CDK13: variants seen among roughly 807,000 people sequenced by gnomAD.
CDK13 encodes the protein cyclin dependent kinase 13, also known as cyclin-dependent kinase 13.
Under a neutral mutation model 137.6 loss-of-function variants are expected in CDK13, and 40 were observed. The ratio of observed to expected loss-of-function variants is 0.29; its 90% CI spans 0.23 to 0.38. The LOEUF is 0.38. CDK13 is among the 10% of genes least tolerant of loss of function. The pLI is 1.00. For synonymous variants in CDK13, 869 were observed against 760.1 expected (o/e 1.14, Z -2.36); for missense variants, 1,704 against 1,951.8 (o/e 0.87, Z 2.39).
chr7:40,089,559 T>C (rs1174358691), intron 12 of CDK13, among the ~76,000 whole-genome samples: 1 of 152,180 alleles, frequency 6.6e-6, no homozygotes. Flanking sequence ...TTCAATGTTG[T>C]CAAGAGTGTT....
At chr7:40,009,019 A>G (rs532973725) in intron 5 of CDK13, among the ~76,000 whole-genome samples, 1 of 152,320 alleles carries the variant, frequency 6.6e-6, no homozygotes, top group South Asian at 2.1e-4. Flanking sequence ...GAGGAGAAAG[A>G]AGAATGTTAA....
chr7:40,041,265 G>A (rs1475636692), intron 5 of CDK13, among the ~76,000 whole-genome samples: 1 of 152,170 alleles, frequency 6.6e-6, no homozygotes. Flanking sequence ...GGCGGAGGTT[G>A]CAGTGAGCCA....
Position 40,040,513 on chromosome 7 carries a change from C to T in CDK13, c.2354-5323C>T, listed in dbSNP as rs117075550. 8.4e-3 allele frequency among the ~76,000 whole-genome samples: 1,285 copies of T among 152,168 alleles called. 7 individuals carry two copies. The highest frequency in any genetic ancestry group is 0.016 in the South Asian group (77 of 4,832). ...TTTGCTATTCTTAATTATTTTTCTA[C>T]GTGGATATACATTACAGAAAAACAA... On this transcript the variant is annotated intron_variant, in intron 5 of 13. Transcript: ENST00000181839.
At chr7:40,046,707 A>G (rs1785749289) in intron 6 of CDK13, among the ~76,000 whole-genome samples, 2 of 152,010 alleles carry the variant, frequency 1.3e-5, no homozygotes, top group South Asian at 4.1e-4. Context: ...AAGTTGTGTT[A>G]CATAGCTGTT....
intron 5 of CDK13, among the ~76,000 whole-genome samples, chr7:40,038,136 G>A (rs1342444125): frequency 2.6e-5 from 4 of 152,000 alleles, no homozygotes; most frequent in African/African-American, 9.6e-5. Context: ...TTACCCATGG[G>A]TAACTATTTT....
Position 39,957,225 on chromosome 7 carries a change from C to A in CDK13, c.1211+5373C>A, listed in dbSNP as rs564003098. Among the ~76,000 whole-genome samples, 16 of 151,220 alleles carry A rather than the reference C, an allele frequency of 1.1e-4. No homozygotes were observed. In the South Asian group the frequency reaches 3.4e-3, roughly 32 times the overall value. On this transcript the variant is annotated intron_variant, in intron 1 of 13. Transcript: ENST00000181839. ...CTTGCCTCCCAAAGTGTTGGGATTA[C>A]AGGCATGAGCCAGTGTGTCCAGCCT...
Position 39,950,710 on chromosome 7 carries a change from G to T in CDK13, c.69G>T (p.Glu23Asp). 2 of 1,452,916 alleles carry T rather than the reference G, an allele frequency of 1.4e-6. No homozygotes were observed. 90.0% of individuals were successfully genotyped at this position (1,452,916 alleles called of 1,614,324 possible). A position where few individuals can be genotyped will look rare whatever the true frequency, so the allele number is the denominator to read the frequency against. Reference protein sequence around the residue: ...GGLSWAEKKLEERRKRRRFLS... With the variant: ...GGLSWAEKKLDERRKRRRFLS... Reference sequence around the variant, plus strand: ...TGAGCTGGGCGGAGAAGAAGTTGGAGGAACGCCGCAAGCGGAGGCGATTCC... The same window carrying T: ...TGAGCTGGGCGGAGAAGAAGTTGGATGAACGCCGCAAGCGGAGGCGATTCC... The change falls in exon 1 of 14, where the codon GAG (glutamate) becomes GAT (aspartate). Residue 23 changes from glutamate (E) to aspartate (D), a missense_variant. Physicochemically the swap from Glu to Asp is conservative, Grantham distance 45. Coordinates refer to ENST00000181839, the MANE Select transcript of CDK13 (RefSeq NM_003718.5).
At chr7:40,082,460 T>A (rs2150539141) in intron 11 of CDK13, among the ~76,000 whole-genome samples, 1 of 128,094 alleles carries the variant, frequency 7.8e-6, no homozygotes, top group South Asian at 2.6e-4. Flanking sequence ...CACTCCAGTC[T>A]GGGCGACAGA....
chr7:40,078,841 C>G lies in CDK13; in HGVS notation c.3019C>G (p.Pro1007Ala), dbSNP rs746636009. The stretch of plus-strand genomic sequence containing the variant: ...CCGAGATGTGGAACCCTCAAAAATG[C>G]CTCCACCAGAGTAAGTGACTTTTTA... Reference protein sequence around the residue: ...FLRDVEPSKMPPPDLPLWQDC... With the variant: ...FLRDVEPSKMAPPDLPLWQDC... The change falls in exon 11 of 14, where the codon CCT (proline) becomes GCT (alanine). Residue 1007 changes from proline (P) to alanine (A), a missense_variant. Around this residue, in one of 5 missense-constraint regions of CDK13, gnomAD observed 45 missense variants for 57.0 expected, o/e 0.79. Transcript: ENST00000181839. The G allele has an allele frequency of 4.2e-6, 6 of 1,435,492 alleles. No homozygotes were observed. The East Asian group carries it at 1.6e-4, about 38-fold the overall frequency. 88.9% of individuals were successfully genotyped at this position (1,435,492 alleles called of 1,614,324 possible).
rs1180270194 is a variant in CDK13, at chr7:39,950,519, C to T, written c.-123C>T. The stretch of plus-strand genomic sequence containing the variant: ...CGACCCGGATTATCGTGGCGCTTTT[C>T]CCGGCCGGCTCTGGTGCTCGGTGTC... On this transcript the variant is annotated 5_prime_UTR_variant, in exon 1 of 14. Coordinates refer to ENST00000181839, the MANE Select transcript of CDK13 (RefSeq NM_003718.5). 5 of 1,266,716 alleles carry T rather than the reference C, an allele frequency of 3.9e-6. No individual in the cohort carries two copies. The highest frequency in any genetic ancestry group is 3.2e-5 in the East Asian group (1 of 31,738). The allele number at this position is 1,266,716 out of a possible 1,614,324, so 78.5% of individuals were successfully genotyped here. A position where few individuals can be genotyped will look rare whatever the true frequency, so the allele number is the denominator to read the frequency against.
chr7:40,050,468 T>G (rs1048778815), intron 7 of CDK13, among the ~76,000 whole-genome samples: 1 of 152,344 alleles, frequency 6.6e-6, no homozygotes, highest in South Asian at 2.1e-4. Context: ...CTCAGCTCAC[T>G]GCAACCTCCG....
intron 1 of CDK13, among the ~76,000 whole-genome samples, chr7:39,978,506 T>C (rs550794890): frequency 2.6e-5 from 4 of 152,240 alleles, no homozygotes; most frequent in Non-Finnish European, 2.9e-5. Flanking sequence ...AATATCAGTA[T>C]GTCATCATTT....
intron 5 of CDK13, among the ~76,000 whole-genome samples, chr7:40,043,372 G>T (rs759268644): frequency 6.6e-5 from 10 of 152,136 alleles, no homozygotes; most frequent in Admixed American, 6.6e-4. Flanking sequence ...TTAATTTCTA[G>T]TAGGGCAAGT....
intron 5 of CDK13, among the ~76,000 whole-genome samples, chr7:40,043,211 A>T (rs1785653562): frequency 6.6e-6 from 1 of 152,184 alleles, no homozygotes; most frequent in African/African-American, 2.4e-5. Flanking sequence ...TTGTGGGATT[A>T]TACATTTGTC....
intron 1 of CDK13, among the ~76,000 whole-genome samples, chr7:39,961,942 C>T (rs1189693332): frequency 6.6e-6 from 1 of 152,206 alleles, no homozygotes; most frequent in East Asian, 1.9e-4. Context: ...CAGCTTCATC[C>T]ATATCCCTAC....
rs560546333 is a variant in CDK13 at position 40,091,296 on chromosome 7, C to T, written c.3236-1489C>T. ...CCAGAAGGCGGAGCTTGCAGTGAGC[C>T]GAGATCGTGCCACTGCATTCCAGCC... On this transcript the variant is annotated intron_variant, in intron 12 of 13. Coordinates refer to ENST00000181839, the MANE Select transcript of CDK13 (RefSeq NM_003718.5). Among the ~76,000 whole-genome samples the T allele has an allele frequency of 2.6e-5, 4 of 151,826 alleles. No individual in the cohort carries two copies. In the East Asian group the frequency reaches 5.8e-4, roughly 22 times the overall value.
intron 5 of CDK13, among the ~76,000 whole-genome samples, chr7:40,021,104 T>TACACACACACAC: frequency 6.8e-5 from 1 of 14,638 alleles, no homozygotes; most frequent in Non-Finnish European, 4.3e-4. Context: ...CAAACAAACG[T>TACACACACACAC]ATATATATAT....
At chr7:40,093,406 G>T (rs1224671523) in intron 13 of CDK13, among the ~76,000 whole-genome samples, 169 bp downstream of exon 13, 1 of 152,166 alleles carries the variant, frequency 6.6e-6, no homozygotes, top group Non-Finnish European at 1.5e-5. Flanking sequence ...TCCAGGAATG[G>T]ATTCTTTAAC....
chr7:40,043,839 A>G (rs1222819587), intron 5 of CDK13, among the ~76,000 whole-genome samples: 2 of 150,048 alleles, frequency 1.3e-5, no homozygotes, highest in Non-Finnish European at 2.9e-5. Context: ...CTCAAAAAAA[A>G]AAAAGAAAAG....
Sources: gnomAD v4.1 joint callset for allele counts (sites outside exome capture counted in the v4.1 genomes callset) on GRCh38, gnomAD v4.1.1 for gene constraint, gnomAD v4.1.1 regional missense constraint, MANE v1.5 for transcripts, NCBI Gene and HGNC (gene_info 2026-07-23, HGNC 2026-07-21) for gene names.